The following TENM2 variants were observed in gnomAD, a reference collection of about 807,000 sequenced individuals.
TENM2 encodes the protein teneurin-2.
TENM2 carries 52 observed loss-of-function variants against 245.2 expected under a neutral mutation model. That is an observed-to-expected ratio of 0.21 (90% CI 0.17 to 0.27). TENM2 has a LOEUF of 0.27. TENM2 is among the 10% of genes least tolerant of loss of function. The pLI, the probability that TENM2 is intolerant of heterozygous loss-of-function variation, is 1.00. For missense variants in TENM2, 3,046 were observed against 3,666.8 expected (o/e 0.83, Z 4.37); for synonymous variants, 1,363 against 1,438.9 (o/e 0.95, Z 1.19).
chr5:167,879,306 C>G (rs1773684886), intron 3 of TENM2, among the ~76,000 whole-genome samples: 1 of 152,056 alleles, frequency 6.6e-6, no homozygotes. Flanking sequence ...AAGTAGATAC[C>G]CAGGTACAGT....
the TENM2 span, among the ~76,000 whole-genome samples, chr5:167,017,953 G>A: frequency 6.6e-6 from 1 of 152,034 alleles, no homozygotes; most frequent in Non-Finnish European, 1.5e-5. Flanking sequence ...AGGAAAATGG[G>A]GAAAAGACTC....
At chr5:167,500,574 C>G (rs921683551) in intron 2 of TENM2, among the ~76,000 whole-genome samples, 2 of 152,128 alleles carry the variant, frequency 1.3e-5, no homozygotes, top group African/African-American at 4.8e-5. Context: ...TGGTGAAGAA[C>G]TGCCTGATAA....
the TENM2 span, among the ~76,000 whole-genome samples, chr5:167,036,477 A>G: frequency 1.1e-4 from 17 of 152,296 alleles, no homozygotes; most frequent in African/African-American, 4.1e-4. Context: ...CTACTTTGTC[A>G]CCCAATACAA....
chr5:167,786,273 C>T (rs1764575528), intron 2 of TENM2, among the ~76,000 whole-genome samples: 1 of 152,146 alleles, frequency 6.6e-6, no homozygotes, highest in Non-Finnish European at 1.5e-5. Context: ...CTCCAGCTGG[C>T]TTTGGCAAAA....
At chr5:168,072,989 C>T (rs1791154656) in intron 7 of TENM2, among the ~76,000 whole-genome samples, 1 of 152,168 alleles carries the variant, frequency 6.6e-6, no homozygotes, top group African/African-American at 2.4e-5. Flanking sequence ...TGATTCCTGT[C>T]TCCTCCCCAT....
At chr5:167,058,654 G>C in the TENM2 span, among the ~76,000 whole-genome samples, 2 of 152,112 alleles carry the variant, frequency 1.3e-5, no homozygotes, top group Non-Finnish European at 2.9e-5. Context: ...GGAAGGCTGA[G>C]ATGAGAGGAT....
intron 6 of TENM2, among the ~76,000 whole-genome samples, chr5:168,058,947 A>T (rs2152083596): frequency 6.6e-6 from 1 of 152,260 alleles, no homozygotes; most frequent in Non-Finnish European, 1.5e-5. Flanking sequence ...AAATCCAGAG[A>T]GGTTAAGCAA....
intron 2 of TENM2, among the ~76,000 whole-genome samples, chr5:167,704,673 G>A (rs1464733172): frequency 2.6e-5 from 4 of 152,164 alleles, no homozygotes; most frequent in Non-Finnish European, 1.5e-5. Context: ...ACTGCACAGA[G>A]TGACTTTGAG....
chr5:167,504,651 T>A (rs747200153), intron 2 of TENM2, among the ~76,000 whole-genome samples: 7 of 152,306 alleles, frequency 4.6e-5, no homozygotes, highest in Middle Eastern at 3.4e-3. Flanking sequence ...GGGGATAGTG[T>A]ATGTGAAATT....
Position 167,677,310 on chromosome 5 carries a change from G to T in TENM2, c.503-198676G>T, listed in dbSNP as rs1467630518. Among the ~76,000 whole-genome samples the T allele has an allele frequency of 3.9e-5, 6 of 151,982 alleles. No homozygotes were observed. In the East Asian group the frequency reaches 9.7e-4, roughly 24 times the overall value. ...GAATATGTTATTATGCATATTGCTT[G>T]TCACACCACACATAAAGATCTTCTT... On this transcript the variant is annotated intron_variant, in intron 2 of 28. Transcript: ENST00000518659.
intron 1 of TENM2, among the ~76,000 whole-genome samples, chr5:167,292,033 T>C (rs1754670795): frequency 6.6e-6 from 1 of 152,156 alleles, no homozygotes; most frequent in African/African-American, 2.4e-5. Flanking sequence ...AGAGCACCTG[T>C]ACAGAGGAAC....
chr5:167,599,980 T>C (rs1206066961), intron 2 of TENM2, among the ~76,000 whole-genome samples: 1 of 151,182 alleles, frequency 6.6e-6, no homozygotes, highest in African/African-American at 2.4e-5. Flanking sequence ...ACCCCATCTC[T>C]ACTAAAAACA....
At chr5:167,385,032 C>G (rs773418373) in intron 2 of TENM2, among the ~76,000 whole-genome samples, 1 of 152,140 alleles carries the variant, frequency 6.6e-6, no homozygotes, top group African/African-American at 2.4e-5. Context: ...ATGTAGAATA[C>G]AGTATTACAA....
At chr5:167,700,707 C>A (rs1264516173) in intron 2 of TENM2, among the ~76,000 whole-genome samples, 1 of 152,006 alleles carries the variant, frequency 6.6e-6, no homozygotes, top group Non-Finnish European at 1.5e-5. Context: ...TGAAATTATT[C>A]TCTGTAAGAA....
the TENM2 span, among the ~76,000 whole-genome samples, chr5:167,155,237 G>A: frequency 8.5e-5 from 13 of 152,190 alleles, no homozygotes; most frequent in African/African-American, 2.9e-4. Flanking sequence ...GGCATGTTAA[G>A]ATATCATTAT....
At chr5:167,517,716 A>G (rs1770475507) in intron 2 of TENM2, among the ~76,000 whole-genome samples, 1 of 152,144 alleles carries the variant, frequency 6.6e-6, no homozygotes, top group Non-Finnish European at 1.5e-5. Context: ...AAACAAACCT[A>G]TAGTTTCTTC....
chr5:167,840,789 A>C (rs200095482), intron 2 of TENM2, among the ~76,000 whole-genome samples: 2 of 152,278 alleles, frequency 1.3e-5, no homozygotes, highest in East Asian at 1.9e-4. Context: ...AAAGATCACA[A>C]ATGAATTAAT....
chr5:167,966,620 G>A (rs1481231265), intron 4 of TENM2, among the ~76,000 whole-genome samples: 1 of 152,130 alleles, frequency 6.6e-6, no homozygotes, highest in Non-Finnish European at 1.5e-5. Flanking sequence ...TCACAGAGAA[G>A]AAACAAGATT....
exon 7 of TENM2, chr5:168,062,108 T>C: frequency 1.2e-6 from 2 of 1,613,076 alleles, no homozygotes; most frequent in Non-Finnish European, 8.5e-7. Context: ...GAAGCAGAAG[T>C]TGGTCGGCGG....
Sources: allele counts gnomAD v4.1 joint callset (sites outside exome capture counted in the v4.1 genomes callset), GRCh38; gene constraint gnomAD v4.1.1; transcripts MANE v1.5; gene names NCBI Gene and HGNC (gene_info 2026-07-23, HGNC 2026-07-21).